XPO7: variants seen among roughly 807,000 people sequenced by gnomAD.
The protein encoded by XPO7 is exportin-7.
Under a neutral mutation model 144.3 loss-of-function variants are expected in XPO7, and 21 were observed. The ratio of observed to expected loss-of-function variants is 0.15; its 90% CI spans 0.10 to 0.21. The LOEUF (loss-of-function observed/expected upper bound fraction) is 0.21. XPO7 is among the 10% of genes least tolerant of loss of function. XPO7 has a pLI of 1.00. For missense variants in XPO7, 808 were observed against 1,325.8 expected (o/e 0.61, Z 6.06); for synonymous variants, 580 against 499.6 (o/e 1.16, Z -2.15).
Position 22,005,277 on chromosome 8 carries a change from G to A in XPO7, c.*189G>A, listed in dbSNP as rs1813289914. 2 of 399,534 alleles carry A rather than the reference G, an allele frequency of 5.0e-6. No homozygotes were observed. The highest frequency in any genetic ancestry group is 8.9e-6 in the Non-Finnish European group (2 of 224,930). 24.7% of individuals were successfully genotyped at this position (399,534 alleles called of 1,614,324 possible). A position where few individuals can be genotyped will look rare whatever the true frequency, so the allele number is the denominator to read the frequency against. ...GAGTACACTCACTAGGGGGCAGGGCGCTGCTGGTTCCTGGGGGACTGGGTG... is the reference window on the plus strand; with the variant it reads ...GAGTACACTCACTAGGGGGCAGGGCACTGCTGGTTCCTGGGGGACTGGGTG... On this transcript the variant is annotated 3_prime_UTR_variant, in exon 28 of 28. Coordinates refer to ENST00000252512, the MANE Select transcript of XPO7 (RefSeq NM_015024.5).
intron 1 of XPO7, among the ~76,000 whole-genome samples, chr8:21,955,326 C>G (rs553042548): frequency 6.6e-6 from 1 of 152,234 alleles, no homozygotes; most frequent in East Asian, 1.9e-4. Context: ...CTCAAACTGT[C>G]TTTTGTCTTT....
chr8:22,002,361 A>G (rs957271058), intron 25 of XPO7, 89 bp downstream of exon 25: 2 of 1,444,316 alleles, frequency 1.4e-6, no homozygotes, highest in Non-Finnish European at 1.9e-6. Context: ...CACGATTAAC[A>G]TGACATCTCA....
chr8:21,984,481 G>T (rs920368032), intron 11 of XPO7, among the ~76,000 whole-genome samples, 165 bp from the exon 12 acceptor site: 1 of 152,212 alleles, frequency 6.6e-6, no homozygotes, highest in African/African-American at 2.4e-5. Context: ...GAAGACATTG[G>T]CCTTCTGCCT....
intron 1 of XPO7, among the ~76,000 whole-genome samples, chr8:21,958,843 C>T (rs1295240183): frequency 1.3e-5 from 2 of 151,964 alleles, no homozygotes; most frequent in Admixed American, 6.6e-5. Context: ...CACCTGTAAT[C>T]CCAGCTACTT....
chr8:21,999,897 T>C (rs1813082707), intron 24 of XPO7, among the ~76,000 whole-genome samples: 1 of 152,168 alleles, frequency 6.6e-6, no homozygotes, highest in Non-Finnish European at 1.5e-5. Context: ...GATACGGTAA[T>C]TAACAGCATA....
rs762753271 is a variant in XPO7 at position 21,989,029 on chromosome 8, G to A, written c.1814G>A (p.Arg605His). Residue 605 changes from arginine to histidine, a missense_variant, in exon 16 of 28, where the codon CGT becomes CAT. Physicochemically the swap from Arg to His is conservative, Grantham distance 29 (BLOSUM62 0). This residue lies in a region of XPO7 where 416 missense variants were observed against 612.5 expected (regional missense o/e 0.68). Transcript: ENST00000252512. ...KIITNLKYWG[R>H]CEPITSKTLQ... ...ATCACCAACTTGAAGTACTGGGGCC[G>A]TTGTGAACCAATCACCTCCAAGACA... is the stretch of plus-strand genomic sequence containing the variant. The A allele has an allele frequency of 5.6e-6, 9 of 1,613,322 alleles. No individual in the cohort carries two copies. Among genetic ancestry groups the A allele is most frequent in the South Asian group, 1.1e-5 (1 of 91,050 alleles).
In XPO7 at chr8:21,976,386, G is replaced by C; in HGVS notation, c.628G>C (p.Glu210Gln). The C allele has an allele frequency of 1.2e-6, 2 of 1,613,926 alleles. No homozygotes were observed. Among genetic ancestry groups the C allele is most frequent in the South Asian group, 2.2e-5 (2 of 91,060 alleles). Residue 210 changes from glutamate (E) to glutamine (Q), a missense_variant, in exon 7 of 28, where the codon GAA becomes CAA. By Grantham distance (29) the Glu-to-Gln change is conservative. Coordinates refer to ENST00000252512, the MANE Select transcript of XPO7 (RefSeq NM_015024.5). ...AGGAAAGAATCTAAACTTGAATGAT[G>C]AAAGTCAGCATGGCTTGCTCATGCA... ...ASGKNLNLND[E>Q]SQHGLLMQLL...
chr8:21,936,395 A>G (rs1222754600), intron 1 of XPO7, among the ~76,000 whole-genome samples: 1 of 152,194 alleles, frequency 6.6e-6, no homozygotes, highest in Non-Finnish European at 1.5e-5. Context: ...CCCAGTATCC[A>G]TGTCACTAGA....
intron 1 of XPO7, among the ~76,000 whole-genome samples, chr8:21,954,212 A>G (rs1448136583): frequency 6.6e-6 from 1 of 152,174 alleles, no homozygotes; most frequent in African/African-American, 2.4e-5. Context: ...TGTGTTTTTG[A>G]TCGCTTCCTT....
At chr8:21,962,404 TG>T (rs1245737925) in intron 1 of XPO7, among the ~76,000 whole-genome samples, 4 of 152,266 alleles carry the variant, frequency 2.6e-5, no homozygotes, top group Non-Finnish European at 5.9e-5. Context: ...TTTTTGTTTT[TG>T]TTTTTTTAGC....
chr8:21,978,466 C>G (rs1277016987), intron 8 of XPO7, among the ~76,000 whole-genome samples: 1 of 152,168 alleles, frequency 6.6e-6, no homozygotes, highest in Non-Finnish European at 1.5e-5. Context: ...AGTGTTTGTT[C>G]AGTAGAGGAC....
intron 13 of XPO7, 57 bp downstream of exon 13, chr8:21,985,748 C>T: frequency 2.1e-6 from 3 of 1,440,696 alleles, no homozygotes; most frequent in Non-Finnish European, 2.0e-6. Flanking sequence ...CTCCACTCCC[C>T]GATAGGGTCC....
intron 5 of XPO7, among the ~76,000 whole-genome samples, chr8:21,972,335 C>T (rs1467597513): frequency 6.6e-6 from 1 of 152,070 alleles, no homozygotes; most frequent in African/African-American, 2.4e-5. Context: ...AAAAATTAGC[C>T]GGGCGTGGTG....
intron 1 of XPO7, among the ~76,000 whole-genome samples, chr8:21,944,387 G>C (rs1251911185): frequency 6.6e-6 from 1 of 152,110 alleles, no homozygotes; most frequent in East Asian, 1.9e-4. Flanking sequence ...GGCCAACGTG[G>C]TGAAACCCCA....
At chr8:21,960,085 A>AGCT (rs1296086431) in intron 1 of XPO7, among the ~76,000 whole-genome samples, 1 of 152,218 alleles carries the variant, frequency 6.6e-6, no homozygotes, top group African/African-American at 2.4e-5. Flanking sequence ...GGGAGAAAAC[A>AGCT]GCTGTCTACA....
At chr8:21,961,808 A>G (rs913203336) in intron 1 of XPO7, among the ~76,000 whole-genome samples, 2 of 152,058 alleles carry the variant, frequency 1.3e-5, no homozygotes, top group Admixed American at 6.5e-5. Context: ...GACTACAGGC[A>G]CACGCCACCA....
At chr8:21,929,317 C>T (rs889115587) in intron 1 of XPO7, among the ~76,000 whole-genome samples, 7 of 152,186 alleles carry the variant, frequency 4.6e-5, no homozygotes, top group Admixed American at 6.5e-5. Context: ...GCTAGATCCT[C>T]GTCCTCTCAG....
chr8:21,992,037 A>G (rs1812788843), intron 19 of XPO7, 63 bp downstream of exon 19: 1 of 1,375,062 alleles, frequency 7.3e-7, no homozygotes, highest in Non-Finnish European at 1.0e-6. Flanking sequence ...CTGATTGAAA[A>G]TCGTGCTTGA....
chr8:21,946,802 A>G (rs1811209551), intron 1 of XPO7, among the ~76,000 whole-genome samples: 1 of 151,424 alleles, frequency 6.6e-6, no homozygotes, highest in Non-Finnish European at 1.5e-5. Flanking sequence ...TAGTAAAGCC[A>G]CAAATAATAA....
Sources: gnomAD v4.1 joint callset for allele counts (sites outside exome capture counted in the v4.1 genomes callset) on GRCh38, gnomAD v4.1.1 for gene constraint, gnomAD v4.1.1 regional missense constraint, MANE v1.5 for transcripts, NCBI Gene and HGNC (gene_info 2026-07-23, HGNC 2026-07-21) for gene names.